The following NT5C2 variants were observed in gnomAD, a reference collection of about 807,000 sequenced individuals.
NT5C2 encodes the protein 5'-nucleotidase, cytosolic II.
A neutral mutation model predicts 76.1 loss-of-function variants in NT5C2; 58 were observed. The observed-to-expected ratio is 0.76, with a 90% CI of 0.62 to 0.95. The LOEUF (loss-of-function observed/expected upper bound fraction) is 0.95, where lower values mean the gene tolerates loss of function less well. NT5C2 is among the 40% of genes least tolerant of loss of function. NT5C2 has a pLI of 0.00. For synonymous variants in NT5C2, 229 were observed against 237.4 expected, an observed-to-expected ratio of 0.96 and a Z score of 0.32; for missense variants, 478 against 690.3, an observed-to-expected ratio of 0.69 and a Z score of 3.45.
intron 4 of NT5C2, among the ~76,000 whole-genome samples, chr10:103,134,272 G>A (rs1216396299): frequency 6.6e-6 from 1 of 152,116 alleles, no homozygotes; most frequent in East Asian, 1.9e-4. Context: ...CAGGCCAGGA[G>A]GCCTCAGAGG....
chr10:103,160,351 A>G (rs2084525042), intron 3 of NT5C2, among the ~76,000 whole-genome samples: 1 of 152,228 alleles, frequency 6.6e-6, no homozygotes. Flanking sequence ...TTTCTTAAAC[A>G]TGTCATGAAA....
At chr10:103,114,747 A>C (rs1018140898) in intron 4 of NT5C2, among the ~76,000 whole-genome samples, 1 of 152,222 alleles carries the variant, frequency 6.6e-6, no homozygotes, top group Non-Finnish European at 1.5e-5. Flanking sequence ...AAACGGAGGA[A>C]GTGGATTAAA....
intron 4 of NT5C2, among the ~76,000 whole-genome samples, chr10:103,136,397 G>C (rs957586101): frequency 1.3e-5 from 2 of 152,132 alleles, no homozygotes; most frequent in Non-Finnish European, 2.9e-5. Flanking sequence ...TAACAGATGT[G>C]AATGACAGAA....
At chr10:103,131,388 T>C (rs1174571313) in intron 4 of NT5C2, among the ~76,000 whole-genome samples, 2 of 152,252 alleles carry the variant, frequency 1.3e-5, no homozygotes, top group African/African-American at 2.4e-5. Flanking sequence ...TGCTGAAATA[T>C]AATCATCAAT....
intron 6 of NT5C2, 117 bp from the exon 7 acceptor site, chr10:103,101,443 C>T (rs1194320426): frequency 3.0e-5 from 18 of 593,402 alleles, no homozygotes; most frequent in East Asian, 5.6e-5. Context: ...GACAGAATTC[C>T]GAATATTACG....
chr10:103,141,268 G>C (rs911653489), intron 3 of NT5C2, among the ~76,000 whole-genome samples: 3 of 152,124 alleles, frequency 2.0e-5, no homozygotes, highest in Non-Finnish European at 4.4e-5. Context: ...ACCAGCCTAG[G>C]TTAACATGGT....
intron 1 of NT5C2, among the ~76,000 whole-genome samples, chr10:103,186,146 C>T (rs1430984061): frequency 1.3e-5 from 2 of 152,154 alleles, no homozygotes; most frequent in African/African-American, 4.8e-5. Flanking sequence ...ATTCTGGAGC[C>T]ACACTGCCTG....
intron 4 of NT5C2, among the ~76,000 whole-genome samples, chr10:103,121,892 G>A (rs753622745): frequency 1.3e-5 from 2 of 152,042 alleles, no homozygotes; most frequent in Non-Finnish European, 2.9e-5. Context: ...TAGAATTCTC[G>A]GCCAGGCACG....
intron 4 of NT5C2, among the ~76,000 whole-genome samples, chr10:103,130,890 G>A (rs912214659): frequency 4.6e-5 from 7 of 152,150 alleles, no homozygotes; most frequent in Non-Finnish European, 1.0e-4. Flanking sequence ...GCCATCTTCA[G>A]GAAGACCAAA....
At chr10:103,111,906 AT>A in intron 4 of NT5C2, 2 of 750,716 alleles carry the variant, frequency 2.7e-6, no homozygotes, top group Non-Finnish European at 3.6e-6. Context: ...CCATTTGGAA[AT>A]TGGTATTTAC....
At position 103,160,841 on chromosome 10, in the gene NT5C2, T is replaced by C. The variant is rs191300946; in HGVS notation, c.101+14017A>G. ...CATCCTGACCAACATGGTGAACCCC[T>C]ATCTCTACTAAAAATACAAAAATTA... is the stretch of plus-strand genomic sequence containing the variant. On this transcript the variant is annotated intron_variant, in intron 3 of 18. Coordinates refer to ENST00000404739, the MANE Select transcript of NT5C2 (RefSeq NM_001351169.2). Among the ~76,000 whole-genome samples the C allele has an allele frequency of 4.9e-4, 75 of 152,194 alleles. 1 individual carries two copies. In the East Asian group the frequency reaches 0.014, roughly 28 times the overall value.
chr10:103,121,513 G>A (rs1053922667), intron 4 of NT5C2, among the ~76,000 whole-genome samples: 1 of 152,150 alleles, frequency 6.6e-6, no homozygotes, highest in Admixed American at 6.6e-5. Flanking sequence ...TCACTTAAAT[G>A]TCAAGTGAGT....
At chr10:103,179,015 C>A (rs2090595506) in intron 2 of NT5C2, among the ~76,000 whole-genome samples, 2 of 141,852 alleles carry the variant, frequency 1.4e-5, no homozygotes, top group South Asian at 4.5e-4. Context: ...GTGATGCGAT[C>A]TTGGCTCACT....
At chr10:103,163,877 A>C (rs1192443343) in intron 3 of NT5C2, among the ~76,000 whole-genome samples, 5 of 144,272 alleles carry the variant, frequency 3.5e-5, no homozygotes, top group African/African-American at 7.4e-5. Context: ...AAAACAAAAA[A>C]AAAAAAACCT....
chr10:103,142,256 CAA>C (rs1396955651), intron 3 of NT5C2, among the ~76,000 whole-genome samples: 2 of 151,876 alleles, frequency 1.3e-5, no homozygotes, highest in African/African-American at 4.8e-5. Flanking sequence ...CATTTAAGAC[CAA>C]AATATCAGAG....
intron 3 of NT5C2, among the ~76,000 whole-genome samples, chr10:103,143,131 AT>A (rs2080830842): frequency 6.6e-6 from 1 of 152,166 alleles, no homozygotes; most frequent in Admixed American, 6.5e-5. Context: ...TTCTCCTCTT[AT>A]TACCAAACCT....
intron 1 of NT5C2, among the ~76,000 whole-genome samples, chr10:103,192,076 T>C (rs568605247): frequency 4.7e-4 from 72 of 152,252 alleles, no homozygotes; most frequent in Non-Finnish European, 9.3e-4. Flanking sequence ...AGCCATGTGG[T>C]AAATATTTTT....
intron 18 of NT5C2, chr10:103,090,362 A>G: frequency 2.4e-6 from 1 of 420,550 alleles, no homozygotes; most frequent in Non-Finnish European, 4.2e-6. Context: ...GGTTACAGGC[A>G]TGAGCCACCA....
intron 4 of NT5C2, among the ~76,000 whole-genome samples, chr10:103,123,289 A>G (rs766819182): frequency 4.6e-5 from 7 of 151,860 alleles, no homozygotes; most frequent in East Asian, 1.9e-4. Context: ...CACACTGCTA[A>G]TATTTTTTTT....
Sources: gnomAD v4.1 joint callset for allele counts (sites outside exome capture counted in the v4.1 genomes callset) on GRCh38, gnomAD v4.1.1 for gene constraint, MANE v1.5 for transcripts, NCBI Gene and HGNC (gene_info 2026-07-23, HGNC 2026-07-21) for gene names.